EIF4G3: variants seen among roughly 807,000 people sequenced by gnomAD.
The protein encoded by EIF4G3 is eukaryotic translation initiation factor 4 gamma 3.
Under a neutral mutation model 186.4 loss-of-function variants are expected in EIF4G3, and 34 were observed. The observed-to-expected ratio is 0.18, with a 90% CI of 0.14 to 0.24. The LOEUF (loss-of-function observed/expected upper bound fraction) is 0.24. Ranked by LOEUF, EIF4G3 falls within the 10% of genes least tolerant of loss-of-function variation. The pLI is 1.00. For synonymous variants in EIF4G3, 673 were observed against 679.5 expected (o/e 0.99, Z 0.15); for missense variants, 1,536 against 1,948.5 (o/e 0.79, Z 3.99).
chr1:20,981,570 ACG>A (rs1395106146), intron 8 of EIF4G3, among the ~76,000 whole-genome samples: 9 of 141,142 alleles, frequency 6.4e-5, no homozygotes, highest in South Asian at 2.2e-4. Flanking sequence ...ATACATGTAT[ACG>A]CACATACTGT....
At chr1:20,869,572 G>A (rs528650916) in intron 20 of EIF4G3, among the ~76,000 whole-genome samples, 30 of 151,938 alleles carry the variant, frequency 2.0e-4, no homozygotes, top group Admixed American at 4.6e-4. Context: ...TCAGGAGATT[G>A]AGACCATCTT....
intron 24 of EIF4G3, 137 bp downstream of exon 24, chr1:20,860,248 A>T: frequency 8.3e-7 from 1 of 1,201,382 alleles, no homozygotes; most frequent in Non-Finnish European, 1.2e-6. Context: ...CTTCAGGTGA[A>T]ACTGCTTCAC....
intron 14 of EIF4G3, chr1:20,941,146 T>C (rs148378313): frequency 2.2e-6 from 3 of 1,375,664 alleles, no homozygotes; most frequent in Non-Finnish European, 2.9e-6. Context: ...CATCCTGGTT[T>C]TTTGTTTTCT....
At chr1:20,807,558 AAT>A in intron 36 of EIF4G3, 58 bp from the exon 37 acceptor site, 15 of 1,365,644 alleles carry the variant, frequency 1.1e-5, no homozygotes, top group Non-Finnish European at 1.5e-5. Context: ...TGAGGAAAAG[AAT>A]ATATTTCAAA....
intron 18 of EIF4G3, among the ~76,000 whole-genome samples, chr1:20,887,148 T>G (rs921792600): frequency 4.6e-5 from 7 of 152,190 alleles, no homozygotes; most frequent in Admixed American, 4.6e-4. Flanking sequence ...CAAGCAGACC[T>G]GCTGCATGTT....
Position 20,806,685 on chromosome 1 carries a change from T to C in EIF4G3, c.*634A>G, listed in dbSNP as rs2154542891. On this transcript the variant is annotated 3_prime_UTR_variant, in exon 37 of 37. Transcript: ENST00000602326. ...TTTTTAAACAATTCTTGGAGTTCTG[T>C]GGTCCACAGCATTTCCTTCTGTTTC... 1 of 152,500 alleles carries C rather than the reference T, an allele frequency of 6.6e-6. No individual in the cohort carries two copies. Among genetic ancestry groups the C allele is most frequent in the Admixed American group, 6.5e-5 (1 of 15,268 alleles). The allele number at this position is 152,500 out of a possible 1,614,324, so 9.4% of individuals were successfully genotyped here.
intron 19 of EIF4G3, among the ~76,000 whole-genome samples, chr1:20,883,011 G>A (rs958280451): frequency 6.6e-6 from 1 of 151,930 alleles, no homozygotes; most frequent in African/African-American, 2.4e-5. Flanking sequence ...GAGCCCAGCA[G>A]GTCAAGGCTA....
chr1:21,162,606 G>A (rs2097785270), intron 2 of EIF4G3, among the ~76,000 whole-genome samples: 1 of 152,080 alleles, frequency 6.6e-6, no homozygotes, highest in Non-Finnish European at 1.5e-5. Flanking sequence ...AGCTGAGTGT[G>A]GTGGTGCACA....
chr1:21,044,404 G>A (rs2093755094), intron 4 of EIF4G3, among the ~76,000 whole-genome samples: 1 of 152,054 alleles, frequency 6.6e-6, no homozygotes, highest in Non-Finnish European at 1.5e-5. Context: ...TTTCAAAGTG[G>A]GGGCCATGGG....
intron 33 of EIF4G3, among the ~76,000 whole-genome samples, chr1:20,821,927 G>A (rs1403284830): frequency 2.0e-5 from 3 of 152,056 alleles, no homozygotes; most frequent in Non-Finnish European, 4.4e-5. Context: ...CCCAGAGCTG[G>A]AGTGCAATAA....
chr1:21,012,784 T>A (rs1361550981), intron 4 of EIF4G3, among the ~76,000 whole-genome samples: 1 of 152,188 alleles, frequency 6.6e-6, no homozygotes, highest in Admixed American at 6.5e-5. Flanking sequence ...CATGGACTTT[T>A]GTGCCAAGAA....
intron 2 of EIF4G3, among the ~76,000 whole-genome samples, chr1:21,155,262 C>CAAAA (rs34182850): frequency 6.8e-3 from 288 of 42,548 alleles, no homozygotes; most frequent in Middle Eastern, 0.025. Context: ...GACTCTGTCT[C>CAAAA]AAAAAAAAAA....
intron 4 of EIF4G3, among the ~76,000 whole-genome samples, chr1:21,020,613 A>C (rs1307381530): frequency 2.0e-5 from 3 of 152,242 alleles, no homozygotes; most frequent in African/African-American, 7.2e-5. Flanking sequence ...ACGATGTCCA[A>C]GTCAGGTCCT....
At chr1:20,945,983 TAAG>T (rs1416592644) in intron 13 of EIF4G3, among the ~76,000 whole-genome samples, 3 of 152,178 alleles carry the variant, frequency 2.0e-5, no homozygotes, top group African/African-American at 7.2e-5. Context: ...GCCAAATTTA[TAAG>T]AAGAATAAAA....
chr1:21,025,852 C>A (rs2092000496), intron 4 of EIF4G3, among the ~76,000 whole-genome samples: 1 of 152,132 alleles, frequency 6.6e-6, no homozygotes, highest in South Asian at 2.1e-4. Context: ...AACTAAGAAT[C>A]AGCAAACATA....
chr1:21,029,186 G>A (rs2154571697), intron 4 of EIF4G3, among the ~76,000 whole-genome samples: 1 of 151,926 alleles, frequency 6.6e-6, no homozygotes, highest in South Asian at 2.1e-4. Context: ...CCCAGCTAAT[G>A]TTTTATATTT....
At chr1:20,996,889 T>TG (rs1428860495) in intron 7 of EIF4G3, among the ~76,000 whole-genome samples, 1 of 152,152 alleles carries the variant, frequency 6.6e-6, no homozygotes, top group Non-Finnish European at 1.5e-5. Context: ...AAAAAGCTAC[T>TG]GGGGGGTTGG....
intron 2 of EIF4G3, among the ~76,000 whole-genome samples, chr1:21,097,495 A>T (rs1464233269): frequency 6.6e-6 from 1 of 152,234 alleles, no homozygotes; most frequent in Non-Finnish European, 1.5e-5. Context: ...GTTTTTTATG[A>T]TAGGAAAAAT....
chr1:20,869,668 G>A (rs1409220534), intron 20 of EIF4G3, among the ~76,000 whole-genome samples: 2 of 151,380 alleles, frequency 1.3e-5, no homozygotes, highest in South Asian at 2.1e-4. Flanking sequence ...CCAGCTATTC[G>A]GGAGGCTGAG....
Sources: gnomAD v4.1 joint callset for allele counts (sites outside exome capture counted in the v4.1 genomes callset) on GRCh38, gnomAD v4.1.1 for gene constraint, MANE v1.5 for transcripts, NCBI Gene and HGNC (gene_info 2026-07-23, HGNC 2026-07-21) for gene names.